RELT: variants seen among roughly 807,000 people sequenced by gnomAD.
The protein encoded by RELT is tumor necrosis factor receptor superfamily member 19L.
In RELT, 37 loss-of-function variants were observed where a neutral mutation model predicts 51.1. That is an observed-to-expected ratio of 0.72 (90% CI 0.56 to 0.95). RELT has a LOEUF of 0.95. RELT is among the 40% of genes least tolerant of loss of function. The pLI, the probability that RELT is intolerant of heterozygous loss-of-function variation, is 0.00. For synonymous variants in RELT, 241 were observed against 235.7 expected (o/e 1.02, Z -0.21); for missense variants, 535 against 572.6 (o/e 0.93, Z 0.67).
rs2134447313 is a variant in RELT, at chr11:73,388,385, G to A, written c.-25-727G>A. On this transcript the variant is annotated intron_variant, in intron 1 of 10. Transcript: ENST00000064780. This position sits in a 1 kb window ranked among gnomAD's most constrained non-coding sequence, Gnocchi z 4.1. The stretch of plus-strand genomic sequence containing the variant: ...AGCACTGGCTGCCGTGACCACCCCA[G>A]CCCCATAGGTCTGCCAGGGGAAGAG... 6.6e-6 allele frequency among the ~76,000 whole-genome samples: 1 copy of A among 152,274 alleles called. No individual in the cohort carries two copies. Among genetic ancestry groups the A allele is most frequent in the South Asian group, 2.1e-4 (1 of 4,828 alleles).
Position 73,394,836 on chromosome 11 carries a change from A to G in RELT, c.1046+102A>G, listed in dbSNP as rs1866285486. 1 of 1,391,768 alleles carries G rather than the reference A, an allele frequency of 7.2e-7. No individual in the cohort carries two copies. Among genetic ancestry groups the G allele is most frequent in the African/African-American group, 1.4e-5 (1 of 70,026 alleles). 86.2% of individuals were successfully genotyped at this position (1,391,768 alleles called of 1,614,324 possible). ...AGCTTGGGCCCTGAGCACCCTGCTC[A>G]ATGGGAGCCCTGCCCTTATTGGGCC... On this transcript the variant is annotated intron_variant, in intron 9 of 10. Coordinates refer to ENST00000064780, the MANE Select transcript of RELT (RefSeq NM_152222.2). The surrounding 1 kb of genome is among the most constrained non-coding windows in gnomAD (Gnocchi z 4.9).
At chr11:73,385,509 C>G (rs772020551) in intron 1 of RELT, among the ~76,000 whole-genome samples, 13 of 152,174 alleles carry the variant, frequency 8.5e-5, no homozygotes, top group Non-Finnish European at 1.8e-4. Flanking sequence ...CTCCCCGCCT[C>G]GTGAGCCTGC....
At position 73,389,199 on chromosome 11, in the gene RELT, C is replaced by T. The variant is rs1184261174; in HGVS notation, c.45+18C>T. The T allele has an allele frequency of 6.5e-7, 1 of 1,527,412 alleles. No homozygotes were observed. The highest frequency in any genetic ancestry group is 8.8e-7 in the Non-Finnish European group (1 of 1,133,764). 94.6% of individuals were successfully genotyped at this position (1,527,412 alleles called of 1,614,324 possible). A position where few individuals can be genotyped will look rare whatever the true frequency, so the allele number is the denominator to read the frequency against. On this transcript the variant is annotated intron_variant, in intron 2 of 10. Transcript: ENST00000064780. ...TCCTTATGGTGAGCTGGGGATGGGC[C>T]CTGGGAAGGAGAAAAGCCGCACCCT...
intron 2 of RELT, among the ~76,000 whole-genome samples, chr11:73,390,231 G>A (rs769659045): frequency 6.6e-5 from 10 of 152,128 alleles, no homozygotes; most frequent in Admixed American, 2.0e-4. Context: ...GAGAGGATTC[G>A]GAAGCATTTC....
intron 6 of RELT, chr11:73,392,771 G>A: frequency 7.6e-7 from 1 of 1,323,296 alleles, no homozygotes; most frequent in Non-Finnish European, 9.7e-7. Flanking sequence ...TATGGTTCCA[G>A]GGTCGGATGG....
Position 73,390,532 on chromosome 11 carries a change from A to G in RELT, c.46-19A>G, listed in dbSNP as rs768305375. On this transcript the variant is annotated intron_variant, in intron 2 of 10. Coordinates refer to ENST00000064780, the MANE Select transcript of RELT (RefSeq NM_152222.2). The stretch of plus-strand genomic sequence containing the variant: ...CACCCAGCACTTTCTGCCTCTTTCA[A>G]TGCCTACTGTTCTTCTAGCTGCTGC... The G allele has an allele frequency of 9.3e-6, 15 of 1,612,382 alleles. No homozygotes were observed. The highest frequency in any genetic ancestry group is 4.0e-5 in the African/African-American group (3 of 74,842).
At position 73,395,170 on chromosome 11, in the gene RELT, G is replaced by A. The variant is rs770129535; in HGVS notation, c.1130G>A (p.Trp377Ter). Residue 377 changes from tryptophan (W) to a stop codon, truncating the protein, a stop_gained, in exon 10 of 11, where the codon TGG becomes TAG. Transcript: ENST00000064780. LOFTEE classifies it high-confidence loss of function. Reference protein sequence around the residue: ...VKTITEAGPSWGDLPDSPQPG... With the variant: ...VKTITEAGPS ...ACCATCACGGAGGCTGGGCCCTCGT[G>A]GGGTGATCTCCCTGACTCCCCACAG... is the stretch of plus-strand genomic sequence containing the variant. The A allele has an allele frequency of 1.2e-6, 2 of 1,613,432 alleles. No individual in the cohort carries two copies. Among genetic ancestry groups the A allele is most frequent in the Admixed American group, 1.7e-5 (1 of 60,032 alleles).
At chr11:73,393,338 C>A (rs1866249565) in intron 6 of RELT, 1 of 1,116,600 alleles carries the variant, frequency 9.0e-7, no homozygotes, top group Non-Finnish European at 1.1e-6. Flanking sequence ...TGCTGCTGGG[C>A]CCAGGGCTGA....
At chr11:73,382,114 G>T (rs1866059375) in intron 1 of RELT, among the ~76,000 whole-genome samples, 1 of 152,208 alleles carries the variant, frequency 6.6e-6, no homozygotes, top group Non-Finnish European at 1.5e-5. Flanking sequence ...ACCCTGGTGG[G>T]TTGCTCCAGG....
Position 73,394,322 on chromosome 11 carries a change from G to A in RELT, c.788+5G>A. On this transcript the variant is annotated splice_donor_5th_base_variant and intron_variant, in intron 8 of 10. Coordinates refer to ENST00000064780, the MANE Select transcript of RELT (RefSeq NM_152222.2). The surrounding 1 kb of genome is among the most constrained non-coding windows in gnomAD (Gnocchi z 4.9). ...GAGCCACAGGCCTGTGTCCAAGTGAGTGGGCTGGTGGGAGATAACGGGGCC... is the reference window on the plus strand; with the variant it reads ...GAGCCACAGGCCTGTGTCCAAGTGAATGGGCTGGTGGGAGATAACGGGGCC... 1 of 1,613,118 alleles carries A rather than the reference G, an allele frequency of 6.2e-7. No individual in the cohort carries two copies. The highest frequency in any genetic ancestry group is 8.5e-7 in the Non-Finnish European group (1 of 1,179,852).
At chr11:73,392,114 T>G (rs950224915) in intron 5 of RELT, 97 bp from the exon 6 acceptor site, 2 of 1,419,154 alleles carry the variant, frequency 1.4e-6, no homozygotes, top group Admixed American at 2.1e-5. Flanking sequence ...GCACATTGGC[T>G]CTCCTGCAGC....
In RELT at chr11:73,397,344, C is replaced by G. The variant is rs961686814; in HGVS notation, c.*1853C>G. 1.3e-5 allele frequency: 2 copies of G among 152,226 alleles called. No homozygotes were observed. Among genetic ancestry groups the G allele is most frequent in the African/African-American group, 2.4e-5 (1 of 41,448 alleles). 9.4% of individuals were successfully genotyped at this position (152,226 alleles called of 1,614,324 possible). ...GAGCCACAGGAGCGGGTGCTACACC[C>G]GGCAAGACAGAGCGTCTCCATCTAA... On this transcript the variant is annotated 3_prime_UTR_variant, in exon 11 of 11. Transcript: ENST00000064780.
intron 6 of RELT, chr11:73,392,991 CCCTTT>C (rs1054252628): frequency 9.0e-6 from 9 of 1,005,062 alleles, no homozygotes; most frequent in African/African-American, 1.7e-5. Flanking sequence ...GGCCCCGGGC[CCCTTT>C]CCTTCTTCCC....
chr11:73,387,690 C>T (rs1443459321), intron 1 of RELT, among the ~76,000 whole-genome samples: 4 of 152,188 alleles, frequency 2.6e-5, no homozygotes, highest in African/African-American at 4.8e-5. Context: ...ACCCTGGGCC[C>T]CTCTGAGATC....
rs538042937 is a variant in RELT at position 73,388,062 on chromosome 11, G to A, written c.-25-1050G>A. 5.9e-5 allele frequency among the ~76,000 whole-genome samples: 9 copies of A among 152,298 alleles called. No homozygotes were observed. Among genetic ancestry groups the A allele is most frequent in the South Asian group, 2.1e-4 (1 of 4,830 alleles). On this transcript the variant is annotated intron_variant, in intron 1 of 10. Transcript: ENST00000064780. The surrounding 1 kb of genome is among the most constrained non-coding windows in gnomAD (Gnocchi z 4.1). ...TCCTTTGTCCTGCTGTGTCCGCCTCGTCCACTGGCCGGAGGCTTCTCCAGA... is the reference window on the plus strand; with the variant it reads ...TCCTTTGTCCTGCTGTGTCCGCCTCATCCACTGGCCGGAGGCTTCTCCAGA...
rs1188821586 is a variant in RELT at position 73,388,238 on chromosome 11, CTG to C, written c.-25-872_-25-871del. Reference sequence around the variant, plus strand: ...ACCACCAAATGGCAGGGGCACCTCTCTGTTTGCAGTTGGGTCTCCCCTGGGAT... The same window carrying C: ...ACCACCAAATGGCAGGGGCACCTCTCTTTGCAGTTGGGTCTCCCCTGGGAT... On this transcript the variant is annotated intron_variant, in intron 1 of 10. Coordinates refer to ENST00000064780, the MANE Select transcript of RELT (RefSeq NM_152222.2). The surrounding 1 kb of genome is among the most constrained non-coding windows in gnomAD (Gnocchi z 4.1). Among the ~76,000 whole-genome samples, 1 of 152,248 alleles carries C rather than the reference CTG, an allele frequency of 6.6e-6. No individual in the cohort carries two copies. Among genetic ancestry groups the C allele is most frequent in the Non-Finnish European group, 1.5e-5 (1 of 68,044 alleles).
intron 1 of RELT, chr11:73,376,973 C>CGTG (rs1865977911): frequency 6.5e-6 from 1 of 152,978 alleles, no homozygotes. Context: ...TGACACGGCG[C>CGTG]GTGAGGCGGC....
chr11:73,396,163 C>G lies in RELT; in HGVS notation c.*672C>G, dbSNP rs954273689. The G allele has an allele frequency of 4.6e-5, 7 of 152,852 alleles. No individual in the cohort carries two copies. The highest frequency in any genetic ancestry group is 1.7e-4 in the African/African-American group (7 of 41,470). The allele number at this position is 152,852 out of a possible 1,614,324, so 9.5% of individuals were successfully genotyped here. On this transcript the variant is annotated 3_prime_UTR_variant, in exon 11 of 11. Coordinates refer to ENST00000064780, the MANE Select transcript of RELT (RefSeq NM_152222.2). ...CCTCCCATTAGTAGCTTTATCCAGCCCCGTTTTTGCTGCTTCCAGGGCCTC... is the reference window on the plus strand; with the variant it reads ...CCTCCCATTAGTAGCTTTATCCAGCGCCGTTTTTGCTGCTTCCAGGGCCTC...
In RELT at chr11:73,394,944, C is replaced by A; in HGVS notation, c.1047-143C>A. The A allele has an allele frequency of 1.1e-6, 1 of 911,884 alleles. No individual in the cohort carries two copies. The highest frequency in any genetic ancestry group is 1.7e-6 in the Non-Finnish European group (1 of 600,130). 56.5% of individuals were successfully genotyped at this position (911,884 alleles called of 1,614,324 possible). On this transcript the variant is annotated intron_variant, in intron 9 of 10. Transcript: ENST00000064780. The surrounding 1 kb of genome is among the most constrained non-coding windows in gnomAD (Gnocchi z 4.9). ...ACATGGAGCCCTTGCATCCCTAGGG[C>A]AGCATCTTGGCCCCCATGGCACCCG...
Sources: gnomAD v4.1 joint callset for allele counts (sites outside exome capture counted in the v4.1 genomes callset) on GRCh38, gnomAD v4.1.1 for gene constraint, Gnocchi (gnomAD v3.1) non-coding constraint, MANE v1.5 for transcripts, NCBI Gene and HGNC (gene_info 2026-07-23, HGNC 2026-07-21) for gene names.